The following FER variants were observed in gnomAD, a reference collection of about 807,000 sequenced individuals.
FER encodes tyrosine-protein kinase Fer.
A neutral mutation model predicts 111.0 loss-of-function variants in FER; 63 were observed. The ratio of observed to expected loss-of-function variants is 0.57; its 90% CI spans 0.46 to 0.70. The LOEUF (loss-of-function observed/expected upper bound fraction) is 0.70, where lower values mean the gene tolerates loss of function less well. Ranked by LOEUF, FER falls within the 30% of genes least tolerant of loss-of-function variation. FER has a pLI of 0.00. For synonymous variants in FER, 327 were observed against 313.9 expected (o/e 1.04, Z -0.44); for missense variants, 914 against 954.0 (o/e 0.96, Z 0.55).
At chr5:109,068,560 T>G (rs1294742605) in intron 16 of FER, among the ~76,000 whole-genome samples, 1 of 152,220 alleles carries the variant, frequency 6.6e-6, no homozygotes, top group East Asian at 1.9e-4. Context: ...CTTATTTAGA[T>G]GCTGTTATAC....
At chr5:108,877,232 T>C (rs1461279324) in intron 8 of FER, among the ~76,000 whole-genome samples, 1 of 152,220 alleles carries the variant, frequency 6.6e-6, no homozygotes, top group East Asian at 1.9e-4. Context: ...GTTTGGTCTC[T>C]GGTTGAACAT....
Position 108,788,802 on chromosome 5 carries a change from G to A in FER, c.-59-9322G>A, listed in dbSNP as rs563429681. ...AAAACTTGCAGCTGAAACGATTATA[G>A]TTTACTCAAAGTAGTTCCATATTCT... On this transcript the variant is annotated intron_variant, in intron 2 of 19. Coordinates refer to ENST00000281092, the MANE Select transcript of FER (RefSeq NM_005246.4). Among the ~76,000 whole-genome samples, 6 of 152,146 alleles carry A rather than the reference G, an allele frequency of 3.9e-5. No individual in the cohort carries two copies. In the South Asian group the frequency reaches 1.0e-3, roughly 26 times the overall value.
At chr5:108,878,715 A>C (rs1005505353) in intron 8 of FER, among the ~76,000 whole-genome samples, 1 of 152,146 alleles carries the variant, frequency 6.6e-6, no homozygotes, top group African/African-American at 2.4e-5. Context: ...TTAAGTAGAG[A>C]GTCTTGGAAG....
At chr5:108,954,212 G>A (rs1451802832) in intron 11 of FER, among the ~76,000 whole-genome samples, 3 of 152,056 alleles carry the variant, frequency 2.0e-5, no homozygotes, top group African/African-American at 7.2e-5. Context: ...GAAGTCAGGT[G>A]AGTGAAGATA....
chr5:108,833,448 C>T (rs1185431061), intron 4 of FER, among the ~76,000 whole-genome samples: 1 of 150,586 alleles, frequency 6.6e-6, no homozygotes, highest in African/African-American at 2.4e-5. Context: ...TCCACCTACC[C>T]ATCACCTGAA....
At position 108,767,390 on chromosome 5, in the gene FER, C is replaced by T. The variant is rs547946396; in HGVS notation, c.-205-703C>T. 1.9e-4 allele frequency among the ~76,000 whole-genome samples: 29 copies of T among 152,310 alleles called. No homozygotes were observed. In the South Asian group the frequency reaches 3.5e-3, roughly 18 times the overall value. On this transcript the variant is annotated intron_variant, in intron 1 of 19. Coordinates refer to ENST00000281092, the MANE Select transcript of FER (RefSeq NM_005246.4). The stretch of plus-strand genomic sequence containing the variant: ...GGGGGAATCCTTCCCAAACCTTCCC[C>T]AGCCTTTGAAAAAGTTTTTCTTATG...
At chr5:108,897,070 A>G (rs960200236) in intron 9 of FER, among the ~76,000 whole-genome samples, 2 of 152,182 alleles carry the variant, frequency 1.3e-5, no homozygotes, top group African/African-American at 4.8e-5. Flanking sequence ...GAGGGATGGG[A>G]AAGTATACTG....
chr5:108,897,774 G>C lies in FER; in HGVS notation c.1162G>C (p.Val388Leu). The stretch of plus-strand genomic sequence containing the variant: ...ACAGAAGGAATTACTAGAGCAAAAA[G>C]TGCAAGAAAATGATGGGAAAGAGCC... ...SAQKELLEQK[V>L]QENDGKEPPP... The change falls in exon 10 of 20, where the codon GTG (valine) becomes CTG (leucine). Residue 388 changes from valine to leucine, a missense_variant. Val to Leu is a conservative substitution (Grantham distance 32, BLOSUM62 1). Around this residue, in one of 3 missense-constraint regions of FER, gnomAD observed 774 missense variants for 782.6 expected, o/e 0.99. Coordinates refer to ENST00000281092, the MANE Select transcript of FER (RefSeq NM_005246.4). 6.2e-7 allele frequency: 1 copy of C among 1,613,682 alleles called. No homozygotes were observed. Among genetic ancestry groups the C allele is most frequent in the South Asian group, 1.1e-5 (1 of 91,040 alleles).
At chr5:108,937,891 AT>A (rs966990505) in intron 10 of FER, among the ~76,000 whole-genome samples, 52 of 151,124 alleles carry the variant, frequency 3.4e-4, no homozygotes, top group African/African-American at 1.2e-3. Flanking sequence ...TCTTTTAGGA[AT>A]TTTTTTTTAT....
At chr5:108,872,321 T>A (rs2150249059) in intron 8 of FER, 109 bp downstream of exon 8, 1 of 1,092,494 alleles carries the variant, frequency 9.2e-7, no homozygotes, top group South Asian at 2.0e-5. Flanking sequence ...AACAGTAAAT[T>A]TTTGGGGTCA....
chr5:108,841,242 T>G (rs940426312), intron 5 of FER, among the ~76,000 whole-genome samples: 7 of 151,968 alleles, frequency 4.6e-5, no homozygotes, highest in African/African-American at 7.2e-5. Context: ...GCATTTCAGT[T>G]AGAAGTGTTT....
At chr5:108,891,507 T>C (rs1428250111) in intron 9 of FER, 1 of 152,020 alleles carries the variant, frequency 6.6e-6, no homozygotes. Flanking sequence ...CTCGTTTTAC[T>C]CCTTCTCCCA....
intron 5 of FER, among the ~76,000 whole-genome samples, chr5:108,851,534 C>T (rs1361537815): frequency 2.6e-5 from 4 of 151,812 alleles, no homozygotes; most frequent in African/African-American, 7.3e-5. Flanking sequence ...TGTGCGGATG[C>T]CATGTAGTAC....
At chr5:108,839,493 T>G (rs2150149510) in intron 5 of FER, among the ~76,000 whole-genome samples, 1 of 152,028 alleles carries the variant, frequency 6.6e-6, no homozygotes, top group Admixed American at 6.5e-5. Flanking sequence ...ATCCAATGGG[T>G]TTTTAAAAAG....
At chr5:109,055,650 G>A (rs1045574807) in intron 16 of FER, among the ~76,000 whole-genome samples, 1 of 151,466 alleles carries the variant, frequency 6.6e-6, no homozygotes, top group Non-Finnish European at 1.5e-5. Context: ...AACCAGACAT[G>A]GTGACGTGTG....
At chr5:108,848,215 A>G (rs1246501038) in intron 5 of FER, among the ~76,000 whole-genome samples, 1 of 152,120 alleles carries the variant, frequency 6.6e-6, no homozygotes, top group Non-Finnish European at 1.5e-5. Context: ...AACCAGTTTC[A>G]GTCTTTATTT....
At chr5:108,841,353 C>G (rs886776921) in intron 5 of FER, among the ~76,000 whole-genome samples, 9 of 152,166 alleles carry the variant, frequency 5.9e-5, no homozygotes, top group Admixed American at 6.5e-5. Context: ...GGGTTAAACA[C>G]TTGGTTAGGT....
intron 16 of FER, among the ~76,000 whole-genome samples, chr5:109,084,326 T>G (rs969616383): frequency 6.6e-6 from 1 of 152,006 alleles, no homozygotes; most frequent in African/African-American, 2.4e-5. Flanking sequence ...ATTGTGTTGC[T>G]TACCTATTTG....
chr5:108,910,371 A>T (rs1561600954), intron 10 of FER, among the ~76,000 whole-genome samples: 1 of 152,232 alleles, frequency 6.6e-6, no homozygotes, highest in Non-Finnish European at 1.5e-5. Context: ...AAGAATGGGT[A>T]CAGTGGCTTT....
Sources: gnomAD v4.1 joint callset for allele counts (sites outside exome capture counted in the v4.1 genomes callset) on GRCh38, gnomAD v4.1.1 for gene constraint, gnomAD v4.1.1 regional missense constraint, MANE v1.5 for transcripts, NCBI Gene and HGNC (gene_info 2026-07-23, HGNC 2026-07-21) for gene names.